Variants in PPP2R1B observed in about 807,000 individuals in gnomAD.
PPP2R1B encodes the protein serine/threonine-protein phosphatase 2A 65 kDa regulatory subunit A beta isoform.
PPP2R1B carries 58 observed loss-of-function variants against 72.7 expected under a neutral mutation model. That is an observed-to-expected ratio of 0.80 (90% CI 0.65 to 0.99). The LOEUF (loss-of-function observed/expected upper bound fraction) is 0.99. PPP2R1B is among the 50% of genes least tolerant of loss of function. The pLI, the probability that PPP2R1B is intolerant of heterozygous loss-of-function variation, is 0.00. For missense variants in PPP2R1B, 695 were observed against 733.6 expected (o/e 0.95, Z 0.61); for synonymous variants, 256 against 264.6 (o/e 0.97, Z 0.32).
chr11:111,699,322 T>C, the PPP2R1B span, among the ~76,000 whole-genome samples: 1 of 152,224 alleles, frequency 6.6e-6, no homozygotes, highest in African/African-American at 2.4e-5. Flanking sequence ...AAACTTTTTC[T>C]ACCCCTCCTA....
chr11:111,691,678 A>G, the PPP2R1B span, among the ~76,000 whole-genome samples: 2 of 152,086 alleles, frequency 1.3e-5, no homozygotes, highest in South Asian at 2.1e-4. Context: ...ACACACACAC[A>G]TGTGTGCACA....
downstream of PPP2R1B, among the ~76,000 whole-genome samples, chr11:111,733,379 G>T (rs1380943121): frequency 6.6e-6 from 1 of 152,168 alleles, no homozygotes; most frequent in African/African-American, 2.4e-5. Context: ...ACTTCCCCTG[G>T]AGCCGAGCCC....
the PPP2R1B span, among the ~76,000 whole-genome samples, chr11:111,695,863 G>T: frequency 6.6e-6 from 1 of 152,156 alleles, no homozygotes; most frequent in African/African-American, 2.4e-5. Context: ...AAAACATTGT[G>T]CCTTTGCTAA....
the PPP2R1B span, among the ~76,000 whole-genome samples, chr11:111,706,266 G>A: frequency 1.3e-5 from 2 of 152,188 alleles, no homozygotes; most frequent in African/African-American, 4.8e-5. Context: ...ATAATTGCTG[G>A]GGAGGAAGGG....
chr11:111,766,153 G>A, intron 1 of PPP2R1B, 95 bp downstream of exon 1: 1 of 1,214,232 alleles, frequency 8.2e-7, no homozygotes, highest in East Asian at 2.4e-5. Flanking sequence ...GACTCATTCA[G>A]TACCTCGGCC....
At chr11:111,753,629 C>T (rs1422803796) in intron 8 of PPP2R1B, 52 bp from the exon 9 acceptor site, 1 of 1,540,530 alleles carries the variant, frequency 6.5e-7, no homozygotes, top group African/African-American at 1.4e-5. Context: ...CAGAAACTTC[C>T]ATACCATTAT....
the PPP2R1B span, among the ~76,000 whole-genome samples, chr11:111,719,441 T>TA: frequency 4.1e-5 from 6 of 146,062 alleles, no homozygotes; most frequent in Non-Finnish European, 4.5e-5. Context: ...TTCCCTTATT[T>TA]AAAAAAAAAT....
At chr11:111,746,375 C>G (rs1944703961) in intron 11 of PPP2R1B, among the ~76,000 whole-genome samples, 1 of 152,058 alleles carries the variant, frequency 6.6e-6, no homozygotes, top group Non-Finnish European at 1.5e-5. Context: ...AACGCGGGAA[C>G]AGAAAACCAA....
At position 111,740,781 on chromosome 11, in the gene PPP2R1B, T is replaced by C. The variant is rs754855883; in HGVS notation, c.*815A>G. On this transcript the variant is annotated 3_prime_UTR_variant, in exon 15 of 15. Coordinates refer to ENST00000527614, the MANE Select transcript of PPP2R1B (RefSeq NM_002716.5). Reference sequence around the variant, plus strand: ...TGCACAGTATTATCCCTGTGGTTCTTAGACTCATTCGAAATACAGAACTGC... The same window carrying C: ...TGCACAGTATTATCCCTGTGGTTCTCAGACTCATTCGAAATACAGAACTGC... 6.1e-6 allele frequency: 6 copies of C among 985,338 alleles called. No individual in the cohort carries two copies. The highest frequency in any genetic ancestry group is 3.5e-5 in the African/African-American group (2 of 57,250). 61.0% of individuals were successfully genotyped at this position (985,338 alleles called of 1,614,324 possible).
At chr11:111,737,496 G>C (rs141228223), downstream of PPP2R1B, 37 of 1,614,096 alleles carry the variant, frequency 2.3e-5, no homozygotes, top group African/African-American at 4.1e-4. Context: ...AGTGGTTCTT[G>C]TCAGCCCGAG....
In PPP2R1B at chr11:111,761,004, G is replaced by A. The variant is rs1555051232; in HGVS notation, c.354C>T (p.Asp118=). 6.2e-6 allele frequency: 10 copies of A among 1,614,024 alleles called. No individual in the cohort carries two copies. The highest frequency in any genetic ancestry group is 8.5e-7 in the Non-Finnish European group (1 of 1,180,032). Reference sequence around the variant, plus strand: ...TCTGTCTCAGGGACTCCACAGCCTTGTCACGAACAACAGTCTCTTCCACAG... The same window carrying A: ...TCTGTCTCAGGGACTCCACAGCCTTATCACGAACAACAGTCTCTTCCACAG... ...LATVEETVVR[D]KAVESLRQIS... is the part of the protein sequence containing the mutation. The change falls in exon 4 of 15, where the codon GAC becomes GAT. Residue 118 remains aspartate (D), a synonymous_variant. Coordinates refer to ENST00000527614, the MANE Select transcript of PPP2R1B (RefSeq NM_002716.5).
chr11:111,696,817 A>T, the PPP2R1B span, among the ~76,000 whole-genome samples: 1 of 152,232 alleles, frequency 6.6e-6, no homozygotes, highest in African/African-American at 2.4e-5. Context: ...AGTATGATGA[A>T]GCATGAGTAT....
At chr11:111,724,393 G>C (rs879680079), downstream of PPP2R1B, 1 of 503,434 alleles carries the variant, frequency 2.0e-6, no homozygotes, top group Non-Finnish European at 3.6e-6. Flanking sequence ...GCAAGCTCTC[G>C]AGGGCAGCAC....
At chr11:111,761,994 C>CA (rs1458636202) in intron 3 of PPP2R1B, among the ~76,000 whole-genome samples, 1 of 152,012 alleles carries the variant, frequency 6.6e-6, no homozygotes, top group African/African-American at 2.4e-5. Context: ...GATGGTAGGA[C>CA]ACCTTGCTTA....
chr11:111,737,709 G>A (rs112196951), downstream of PPP2R1B: 12 of 1,445,604 alleles, frequency 8.3e-6, no homozygotes, highest in Non-Finnish European at 1.0e-5. Context: ...AGTATATGGG[G>A]CACTGGGCAG....
the PPP2R1B span, among the ~76,000 whole-genome samples, chr11:111,709,650 A>C: frequency 6.6e-6 from 1 of 152,210 alleles, no homozygotes; most frequent in African/African-American, 2.4e-5. Flanking sequence ...TTGCTAATCA[A>C]CTGTGTAATG....
chr11:111,699,019 T>C, the PPP2R1B span, among the ~76,000 whole-genome samples: 1 of 152,192 alleles, frequency 6.6e-6, no homozygotes, highest in African/African-American at 2.4e-5. Context: ...TCTAGAAAAT[T>C]AGAAATATAT....
chr11:111,699,472 A>C, the PPP2R1B span, among the ~76,000 whole-genome samples: 1 of 152,138 alleles, frequency 6.6e-6, no homozygotes. Flanking sequence ...ACAGCATCCT[A>C]TCTGGGTAGG....
At chr11:111,701,062 G>C in the PPP2R1B span, 1 of 1,581,326 alleles carries the variant, frequency 6.3e-7, no homozygotes, top group Non-Finnish European at 8.6e-7. The surrounding 1 kb of genome is among the most constrained non-coding windows in gnomAD (Gnocchi z 4.2). Context: ...GATAATACTT[G>C]GTGTTCTGGC....
Sources: allele counts gnomAD v4.1 joint callset (sites outside exome capture counted in the v4.1 genomes callset), GRCh38; gene constraint gnomAD v4.1.1; non-coding constraint Gnocchi (gnomAD v3.1); transcripts MANE v1.5; gene names NCBI Gene and HGNC (gene_info 2026-07-23, HGNC 2026-07-21).